The following ATP9A variants were observed in gnomAD, a reference collection of about 807,000 sequenced individuals.
ATP9A encodes ATPase phospholipid transporting 9A, also known as probable phospholipid-transporting ATPase IIA.
ATP9A carries 52 observed loss-of-function variants against 144.1 expected under a neutral mutation model. The observed-to-expected ratio is 0.36, with a 90% CI of 0.29 to 0.45. The LOEUF (loss-of-function observed/expected upper bound fraction) is 0.45. Ranked by LOEUF, ATP9A falls within the 20% of genes least tolerant of loss-of-function variation. The pLI is 1.00. For missense variants in ATP9A, 947 were observed against 1,392.7 expected (o/e 0.68, Z 5.09); for synonymous variants, 582 against 557.4 (o/e 1.04, Z -0.62).
At chr20:51,674,655 G>A (rs2077469767) in intron 10 of ATP9A, among the ~76,000 whole-genome samples, 1 of 152,280 alleles carries the variant, frequency 6.6e-6, no homozygotes, top group Admixed American at 6.5e-5. Context: ...GCTGGGTCGT[G>A]TGCTGAATAG....
rs1203473116 is a variant in ATP9A at position 51,720,538 on chromosome 20, G to T, written c.327+5281C>A. On this transcript the variant is annotated intron_variant, in intron 3 of 27. Transcript: ENST00000338821. ...AGGGCATCTCAGTTTATAAGGTAAA[G>T]CCCAACAGTTTCCTAGGCCTAGCGC... 4.6e-5 allele frequency among the ~76,000 whole-genome samples: 7 copies of T among 152,252 alleles called. No individual in the cohort carries two copies. In the East Asian group the frequency reaches 1.2e-3, roughly 25 times the overall value.
chr20:51,622,048 T>C (rs746930373), intron 19 of ATP9A, 26 bp downstream of exon 19: 2 of 1,600,676 alleles, frequency 1.2e-6, no homozygotes, highest in Non-Finnish European at 1.7e-6. Flanking sequence ...CATCCCCACA[T>C]GGCCCTAACG....
intron 1 of ATP9A, among the ~76,000 whole-genome samples, chr20:51,738,211 G>A (rs1400942603): frequency 6.6e-6 from 1 of 151,914 alleles, no homozygotes; most frequent in East Asian, 1.9e-4. Flanking sequence ...TGTATGTTTA[G>A]TACAGACAGG....
chr20:51,649,939 C>T (rs546314906), intron 14 of ATP9A, among the ~76,000 whole-genome samples: 1 of 149,996 alleles, frequency 6.7e-6, no homozygotes, highest in Non-Finnish European at 1.5e-5. Context: ...AATCACACAG[C>T]TGATTGAATT....
chr20:51,758,031 T>C (rs1233896595), intron 1 of ATP9A, among the ~76,000 whole-genome samples: 2 of 152,244 alleles, frequency 1.3e-5, no homozygotes, highest in African/African-American at 4.8e-5. Flanking sequence ...ATGTCAGGCA[T>C]GACTTGGGGT....
chr20:51,733,816 G>C (rs1213395637), intron 1 of ATP9A, among the ~76,000 whole-genome samples: 4 of 152,066 alleles, frequency 2.6e-5, no homozygotes, highest in Admixed American at 6.6e-5. Context: ...TGGGACTAAA[G>C]GCATGTGCCA....
intron 15 of ATP9A, 150 bp downstream of exon 15, chr20:51,639,193 T>G: frequency 1.1e-6 from 1 of 879,944 alleles, no homozygotes; most frequent in Non-Finnish European, 1.7e-6. Context: ...ATGAACTAAT[T>G]TCCTTTCTGC....
At chr20:51,603,496 C>T (rs1039438015) in intron 27 of ATP9A, among the ~76,000 whole-genome samples, 6 of 152,272 alleles carry the variant, frequency 3.9e-5, no homozygotes, top group South Asian at 2.1e-4. Context: ...CGTGTCAGCA[C>T]CCGATGGGGT....
At chr20:51,675,725 C>T (rs2077474088) in intron 10 of ATP9A, among the ~76,000 whole-genome samples, 1 of 151,862 alleles carries the variant, frequency 6.6e-6, no homozygotes, top group African/African-American at 2.4e-5. Context: ...ACTAAAAATA[C>T]AAAAATTAGC....
At chr20:51,742,205 G>A (rs1005312002) in intron 1 of ATP9A, among the ~76,000 whole-genome samples, 8 of 151,748 alleles carry the variant, frequency 5.3e-5, no homozygotes, top group Non-Finnish European at 7.4e-5. Context: ...CATGCCTATA[G>A]TCTCAGCTAC....
chr20:51,762,690 T>C (rs2077886152), intron 1 of ATP9A, among the ~76,000 whole-genome samples: 1 of 143,908 alleles, frequency 6.9e-6, no homozygotes, highest in South Asian at 2.2e-4. Flanking sequence ...TTTAAGGTGA[T>C]ATATCCACAA....
intron 4 of ATP9A, among the ~76,000 whole-genome samples, chr20:51,710,674 T>A (rs143812825): frequency 6.6e-6 from 1 of 152,122 alleles, no homozygotes; most frequent in Admixed American, 6.6e-5. Context: ...TAGAGTGGGA[T>A]TGGCATAACA....
Position 51,601,095 on chromosome 20 carries a change from C to T in ATP9A, c.*116G>A. The T allele has an allele frequency of 1.5e-6, 2 of 1,304,404 alleles. No individual in the cohort carries two copies. Among genetic ancestry groups the T allele is most frequent in the Non-Finnish European group, 2.1e-6 (2 of 964,630 alleles). The allele number at this position is 1,304,404 out of a possible 1,614,324, so 80.8% of individuals were successfully genotyped here. On this transcript the variant is annotated 3_prime_UTR_variant, in exon 28 of 28. Transcript: ENST00000338821. ...GGCGCAGAGCCACTTCCCATTAAAA[C>T]TGCATGTGTTAGCAATTACTGCAAA...
At chr20:51,657,277 C>T (rs757106502) in intron 13 of ATP9A, 127 bp from the exon 14 acceptor site, 1 of 653,776 alleles carries the variant, frequency 1.5e-6, no homozygotes, top group Non-Finnish European at 2.5e-6. Flanking sequence ...TTAGATATAT[C>T]TACAATGATG....
chr20:51,662,682 A>T (rs1356322146), intron 13 of ATP9A, among the ~76,000 whole-genome samples: 2 of 152,042 alleles, frequency 1.3e-5, no homozygotes, highest in African/African-American at 4.8e-5. Flanking sequence ...ACCATTAAAA[A>T]CCTTGACATG....
chr20:51,760,958 G>T (rs889740400), intron 1 of ATP9A, among the ~76,000 whole-genome samples: 10 of 152,100 alleles, frequency 6.6e-5, no homozygotes, highest in African/African-American at 2.4e-4. Flanking sequence ...AACCCAGGAG[G>T]CAGAGGTTGC....
At chr20:51,641,777 G>A (rs1174117354) in intron 14 of ATP9A, among the ~76,000 whole-genome samples, 3 of 149,192 alleles carry the variant, frequency 2.0e-5, no homozygotes, top group African/African-American at 2.5e-5. Flanking sequence ...GTTGCAGTGA[G>A]CCGAGGTCGC....
intron 1 of ATP9A, among the ~76,000 whole-genome samples, chr20:51,743,646 G>A (rs1460383965): frequency 1.4e-5 from 2 of 147,780 alleles, no homozygotes; most frequent in African/African-American, 2.5e-5. Context: ...CTCGTGATTC[G>A]CCCGCCTCAG....
chr20:51,637,093 AAAAT>A (rs1231598030), intron 15 of ATP9A, among the ~76,000 whole-genome samples: 4 of 152,084 alleles, frequency 2.6e-5, no homozygotes, highest in African/African-American at 9.7e-5. Context: ...TGTGTCTCAA[AAAAT>A]AAATAAATGT....
Sources: allele counts gnomAD v4.1 joint callset (sites outside exome capture counted in the v4.1 genomes callset), GRCh38; gene constraint gnomAD v4.1.1; transcripts MANE v1.5; gene names NCBI Gene and HGNC (gene_info 2026-07-23, HGNC 2026-07-21).